ZCCHC14: variants seen among roughly 807,000 people sequenced by gnomAD.
ZCCHC14 encodes zinc finger CCHC domain-containing protein 14.
Under a neutral mutation model 85.0 loss-of-function variants are expected in ZCCHC14, and 16 were observed. That is an observed-to-expected ratio of 0.19 (90% CI 0.13 to 0.29). The LOEUF is 0.29. Among genes scored for constraint, ZCCHC14 ranks in the 10% least tolerant of loss-of-function variants. ZCCHC14 has a pLI of 1.00. For missense variants in ZCCHC14, 1,303 were observed against 1,443.5 expected (o/e 0.90, Z 1.58); for synonymous variants, 775 against 630.7 (o/e 1.23, Z -3.43).
chr16:87,418,767 G>C, intron 7 of ZCCHC14, 80 bp downstream of exon 7: 2 of 1,404,870 alleles, frequency 1.4e-6, no homozygotes, highest in South Asian at 2.4e-5. Flanking sequence ...TTAATTCTTG[G>C]AACAACTTTA....
chr16:87,448,062 T>C (rs931978131), intron 2 of ZCCHC14, among the ~76,000 whole-genome samples: 2 of 152,186 alleles, frequency 1.3e-5, no homozygotes, highest in South Asian at 4.1e-4. Context: ...CATTAATATA[T>C]GTGTAATCTA....
At chr16:87,458,446 C>T (rs144949094) in intron 2 of ZCCHC14, among the ~76,000 whole-genome samples, 84 of 152,296 alleles carry the variant, frequency 5.5e-4, no homozygotes, top group African/African-American at 1.8e-3. Context: ...AAGACTGTTG[C>T]GACCTCAGGG....
chr16:87,473,856 C>G (rs1597448711), intron 1 of ZCCHC14: 1 of 152,172 alleles, frequency 6.6e-6, no homozygotes, highest in East Asian at 1.9e-4. Context: ...AGAGTGCATC[C>G]AAGGTCCAGA....
intron 1 of ZCCHC14, among the ~76,000 whole-genome samples, chr16:87,463,764 A>C (rs748942004): frequency 6.6e-6 from 1 of 152,198 alleles, no homozygotes; most frequent in Non-Finnish European, 1.5e-5. Context: ...TGGAGGTTGC[A>C]GTGAGCTGAG....
chr16:87,412,631 A>G lies in ZCCHC14; in HGVS notation c.2090T>C (p.Met697Thr). ...KVDKSFGSAM[M>T]DVLPASAPHQ... ...GGGTGCGGACGCGGGCAGCACGTCC[A>G]TCATGGCGCTGCCAAAGCTCTTGTC... The change falls in exon 12 of 13, where the codon ATG (methionine) becomes ACG (threonine). Residue 697 changes from methionine to threonine, a missense_variant. Met to Thr is a moderately conservative substitution (Grantham distance 81). Coordinates refer to ENST00000671377, the MANE Select transcript of ZCCHC14 (RefSeq NM_015144.3). The G allele has an allele frequency of 6.2e-7, 1 of 1,614,232 alleles. No individual in the cohort carries two copies. The highest frequency in any genetic ancestry group is 2.2e-5 in the East Asian group (1 of 44,872).
intron 2 of ZCCHC14, among the ~76,000 whole-genome samples, chr16:87,459,640 G>C (rs1381482221): frequency 1.3e-5 from 2 of 151,972 alleles, no homozygotes; most frequent in African/African-American, 4.8e-5. Context: ...CTCCCGAGTA[G>C]CTGGGATTAC....
chr16:87,407,065 A>C lies in ZCCHC14; in HGVS notation c.*3215T>G, dbSNP rs867859826. 7.9e-5 allele frequency: 12 copies of C among 152,312 alleles called. No homozygotes were observed. The highest frequency in any genetic ancestry group is 1.3e-4 in the Non-Finnish European group (9 of 68,092). 9.4% of individuals were successfully genotyped at this position (152,312 alleles called of 1,614,324 possible). ...AAATGACAGGGAGCAAGGAGGGTGC[A>C]ACCCAGTTCCCATCTGGCAAGTGCC... On this transcript the variant is annotated 3_prime_UTR_variant, in exon 13 of 13. Coordinates refer to ENST00000671377, the MANE Select transcript of ZCCHC14 (RefSeq NM_015144.3).
chr16:87,452,493 C>T (rs541697023), intron 2 of ZCCHC14, among the ~76,000 whole-genome samples: 42 of 151,822 alleles, frequency 2.8e-4, no homozygotes, highest in Non-Finnish European at 1.2e-4. Context: ...TCAGGCAAAG[C>T]GTAAAGTAGG....
At chr16:87,461,834 A>C (rs1384600810) in intron 1 of ZCCHC14, among the ~76,000 whole-genome samples, 1 of 152,240 alleles carries the variant, frequency 6.6e-6, no homozygotes, top group Non-Finnish European at 1.5e-5. Context: ...CAGCTCTGTC[A>C]ATGCCCCTGC....
At chr16:87,467,879 C>T (rs986470177) in intron 1 of ZCCHC14, among the ~76,000 whole-genome samples, 1 of 152,148 alleles carries the variant, frequency 6.6e-6, no homozygotes, top group African/African-American at 2.4e-5. Context: ...TTTCAATATC[C>T]TGACGTCGTG....
rs1325680103 is a variant in ZCCHC14, at chr16:87,477,133, AAAAAAAAACAAAAC to A, written c.570+14522_570+14535del. On this transcript the variant is annotated intron_variant, in intron 1 of 12. Coordinates refer to ENST00000671377, the MANE Select transcript of ZCCHC14 (RefSeq NM_015144.3). ...GAGACTCAGTCTCAAAAAAAAAAAAAAAAAAAAACAAAACAAAACCAAAAAAAAATTGAAGTGGT... is the reference window on the plus strand; with the variant it reads ...GAGACTCAGTCTCAAAAAAAAAAAAAAAAACCAAAAAAAAATTGAAGTGGT... Among the ~76,000 whole-genome samples, 1,091 of 145,620 alleles carry A rather than the reference AAAAAAAAACAAAAC, an allele frequency of 7.5e-3. 109 individuals carry two copies. The highest frequency in any genetic ancestry group is 0.027 in the African/African-American group (1,022 of 37,502).
intron 2 of ZCCHC14, among the ~76,000 whole-genome samples, chr16:87,452,057 G>T (rs1050575704): frequency 2.0e-5 from 3 of 152,246 alleles, no homozygotes; most frequent in Non-Finnish European, 4.4e-5. Flanking sequence ...AAGCAGGGGC[G>T]TGCAGTGACG....
intron 1 of ZCCHC14, among the ~76,000 whole-genome samples, chr16:87,465,551 G>T (rs1597443207): frequency 2.6e-5 from 4 of 152,270 alleles, no homozygotes; most frequent in Admixed American, 2.0e-4. Context: ...CACACATCTA[G>T]GGGCACCTGG....
At position 87,421,122 on chromosome 16, in the gene ZCCHC14, C is replaced by G. The variant is rs138250946; in HGVS notation, c.841-406G>C. ...CACTGCCACAGGCTGACGTGGCCAA[C>G]AGAAATGCCGGAGCCCCAGGCGGGG... On this transcript the variant is annotated intron_variant, in intron 4 of 12. Coordinates refer to ENST00000671377, the MANE Select transcript of ZCCHC14 (RefSeq NM_015144.3). Among the ~76,000 whole-genome samples, 1,075 of 152,348 alleles carry G rather than the reference C, an allele frequency of 7.1e-3. 18 individuals carry two copies. The highest frequency in any genetic ancestry group is 0.025 in the African/African-American group (1,022 of 41,576).
At chr16:87,425,506 G>T (rs532139277) in intron 3 of ZCCHC14, among the ~76,000 whole-genome samples, 21 of 152,056 alleles carry the variant, frequency 1.4e-4, no homozygotes, top group Non-Finnish European at 2.4e-4. Context: ...AACCCGGGAG[G>T]GGGAGGCTGC....
At chr16:87,410,751 C>T (rs1908393122) in intron 12 of ZCCHC14, among the ~76,000 whole-genome samples, 1 of 152,182 alleles carries the variant, frequency 6.6e-6, no homozygotes, top group South Asian at 2.1e-4. Flanking sequence ...CGCCTGTCAA[C>T]CCACCTTGCC....
chr16:87,464,411 G>A (rs918609888), intron 1 of ZCCHC14, among the ~76,000 whole-genome samples: 2 of 152,166 alleles, frequency 1.3e-5, no homozygotes, highest in Non-Finnish European at 2.9e-5. Flanking sequence ...ACGACCCCAA[G>A]TCCAGGTTTT....
At chr16:87,476,282 C>G (rs931991255) in intron 1 of ZCCHC14, among the ~76,000 whole-genome samples, 1 of 152,020 alleles carries the variant, frequency 6.6e-6, no homozygotes, top group African/African-American at 2.4e-5. Context: ...TGAAAAGCAC[C>G]AAAATGGTAA....
intron 1 of ZCCHC14, chr16:87,474,510 A>C (rs986808939): frequency 6.6e-6 from 1 of 152,242 alleles, no homozygotes; most frequent in Non-Finnish European, 1.5e-5. Flanking sequence ...CGTTGGACCA[A>C]TCCTCTTGCA....
Sources: allele counts gnomAD v4.1 joint callset (sites outside exome capture counted in the v4.1 genomes callset), GRCh38; gene constraint gnomAD v4.1.1; transcripts MANE v1.5; gene names NCBI Gene and HGNC (gene_info 2026-07-23, HGNC 2026-07-21).